The following ADCY1 variants were observed in gnomAD, a reference collection of about 807,000 sequenced individuals.
ADCY1 encodes the protein adenylate cyclase 1.
ADCY1 carries 28 observed loss-of-function variants against 105.4 expected under a neutral mutation model. The ratio of observed to expected loss-of-function variants is 0.27; its 90% CI spans 0.20 to 0.36. The LOEUF is 0.36. Among genes scored for constraint, ADCY1 ranks in the 10% least tolerant of loss-of-function variants. ADCY1 has a pLI of 1.00. For synonymous variants in ADCY1, 655 were observed against 623.8 expected, an observed-to-expected ratio of 1.05 and a Z score of -0.75; for missense variants, 977 against 1,434.2, an observed-to-expected ratio of 0.68 and a Z score of 5.15.
chr7:45,711,816 A>G (rs1055067417), intron 19 of ADCY1, among the ~76,000 whole-genome samples: 1 of 75,250 alleles, frequency 1.3e-5, no homozygotes, highest in Non-Finnish European at 2.7e-5. Context: ...CTTTTTTACA[A>G]TGTACTTTTA....
rs1792267753 is a variant in ADCY1, at chr7:45,574,615, G to T, written c.72G>T (p.Ala24=). 1.7e-6 allele frequency: 2 copies of T among 1,163,372 alleles called. No individual in the cohort carries two copies. Among genetic ancestry groups the T allele is most frequent in the South Asian group, 4.2e-5 (1 of 24,012 alleles). 72.1% of individuals were successfully genotyped at this position (1,163,372 alleles called of 1,614,324 possible). A position where few individuals can be genotyped will look rare whatever the true frequency, so the allele number is the denominator to read the frequency against. Residue 24 remains alanine (A), a synonymous_variant, in exon 1 of 20, where the codon GCG becomes GCT. Coordinates refer to ENST00000297323, the MANE Select transcript of ADCY1 (RefSeq NM_021116.4). The surrounding 1 kb of genome is among the most constrained non-coding windows in gnomAD (Gnocchi z 7.0). The part of the protein sequence containing the change: ...GAGEPGGAER[A]AGTSRRRGLR... ...GCGAGCCCGGGGGCGCCGAGCGGGCGGCCGGGACAAGCCGCCGGCGCGGGC... is the reference window on the plus strand; with the variant it reads ...GCGAGCCCGGGGGCGCCGAGCGGGCTGCCGGGACAAGCCGCCGGCGCGGGC...
chr7:45,652,691 G>A (rs1794842732), intron 5 of ADCY1, among the ~76,000 whole-genome samples: 1 of 152,206 alleles, frequency 6.6e-6, no homozygotes, highest in Admixed American at 6.5e-5. Flanking sequence ...TTTGTCAAAT[G>A]CCTGTGGGCC....
intron 1 of ADCY1, among the ~76,000 whole-genome samples, chr7:45,583,243 A>G (rs1256340661): frequency 6.6e-6 from 1 of 152,210 alleles, no homozygotes; most frequent in Admixed American, 6.5e-5. Flanking sequence ...TTACATGTGC[A>G]TGTGTTTCCA....
intron 8 of ADCY1, among the ~76,000 whole-genome samples, chr7:45,675,014 T>C (rs1024092819): frequency 5.9e-5 from 9 of 152,168 alleles, no homozygotes; most frequent in African/African-American, 9.7e-5. Context: ...TTTTAATTGG[T>C]ATATTTAGAA....
At chr7:45,581,407 C>T (rs868147460) in intron 1 of ADCY1, among the ~76,000 whole-genome samples, 3 of 152,144 alleles carry the variant, frequency 2.0e-5, no homozygotes, top group African/African-American at 7.2e-5. Context: ...GGAGAGACTC[C>T]CAGAATGCAG....
At position 45,685,688 on chromosome 7, in the gene ADCY1, G is replaced by A. The variant is rs926007367; in HGVS notation, c.2074-274G>A. Among the ~76,000 whole-genome samples the A allele has an allele frequency of 6.6e-5, 10 of 152,172 alleles. No individual in the cohort carries two copies. The East Asian group carries it at 1.7e-3, about 26-fold the overall frequency. On this transcript the variant is annotated intron_variant, in intron 12 of 19. Coordinates refer to ENST00000297323, the MANE Select transcript of ADCY1 (RefSeq NM_021116.4). ...GCAGGAGTAACAGGTTGGAGCTGGG[G>A]GCAGGAGTAACAGGTTGGAGCCGCT...
intron 4 of ADCY1, among the ~76,000 whole-genome samples, chr7:45,623,245 G>T (rs573233690): frequency 1.3e-5 from 2 of 152,354 alleles, no homozygotes; most frequent in African/African-American, 4.8e-5. Context: ...AGCAGACTGC[G>T]TGCTGGGGTT....
intron 1 of ADCY1, among the ~76,000 whole-genome samples, chr7:45,585,467 A>G (rs1792693452): frequency 7.9e-6 from 1 of 126,188 alleles, no homozygotes; most frequent in African/African-American, 3.1e-5. Context: ...TTTTGAGATG[A>G]AGTTTCGCTC....
chr7:45,633,359 C>T (rs1124990), intron 4 of ADCY1, among the ~76,000 whole-genome samples: 61,394 of 152,036 alleles, frequency 0.4, 12,827 homozygotes, highest in East Asian at 0.71. Flanking sequence ...TTGGAAAATA[C>T]TTTGGAGATT....
At chr7:45,695,908 T>G (rs947265947) in intron 14 of ADCY1, among the ~76,000 whole-genome samples, 2 of 152,258 alleles carry the variant, frequency 1.3e-5, no homozygotes, top group Non-Finnish European at 2.9e-5. Context: ...GTACTGCTAA[T>G]GCAGGCACCT....
At position 45,678,389 on chromosome 7, in the gene ADCY1, A is replaced by C. The variant is rs1324750361; in HGVS notation, c.1898+126A>C. The stretch of plus-strand genomic sequence containing the variant: ...TGCTCAAGCTTCGTCTCCCACAGTT[A>C]TTGTCCCAATGTGCCCAACATGGCT... On this transcript the variant is annotated intron_variant, in intron 10 of 19. Transcript: ENST00000297323. 5.7e-6 allele frequency: 5 copies of C among 883,140 alleles called. No individual in the cohort carries two copies. The Admixed American group carries it at 9.7e-5, about 17-fold the overall frequency. The allele number at this position is 883,140 out of a possible 1,614,324, so 54.7% of individuals were successfully genotyped here. A position where few individuals can be genotyped will look rare whatever the true frequency, so the allele number is the denominator to read the frequency against.
At chr7:45,633,798 C>T (rs1003671159) in intron 4 of ADCY1, among the ~76,000 whole-genome samples, 2 of 116,372 alleles carry the variant, frequency 1.7e-5, no homozygotes, top group Admixed American at 9.6e-5. Context: ...GAGACATCAT[C>T]GCAAAAAAAA....
chr7:45,574,879 G>A lies in ADCY1; in HGVS notation c.336G>A (p.Arg112=), dbSNP rs1156467781. The A allele has an allele frequency of 6.2e-7, 1 of 1,611,790 alleles. No homozygotes were observed. Among genetic ancestry groups the A allele is most frequent in the African/African-American group, 1.3e-5 (1 of 74,898 alleles). ...CGCTGCTCGTGGTAACCAACGTCCG[G>A]TCCCTGCAGGTGCCCCAGCTGCAGC... ...FLALLVVTNV[R]SLQVPQLQQV... The change falls in exon 1 of 20, where the codon CGG becomes CGA. Residue 112 remains arginine (R), a synonymous_variant. Transcript: ENST00000297323. The surrounding 1 kb of genome is among the most constrained non-coding windows in gnomAD (Gnocchi z 7.0).
At chr7:45,581,044 A>T (rs937233823) in intron 1 of ADCY1, among the ~76,000 whole-genome samples, 2 of 152,104 alleles carry the variant, frequency 1.3e-5, no homozygotes, top group African/African-American at 4.8e-5. Context: ...ACTCAGACGG[A>T]AGCTGGTGGG....
At chr7:45,615,899 A>G (rs182112640) in intron 3 of ADCY1, among the ~76,000 whole-genome samples, 1 of 152,288 alleles carries the variant, frequency 6.6e-6, no homozygotes, top group Non-Finnish European at 1.5e-5. Flanking sequence ...TAAAAAATCT[A>G]CAAAACCAAG....
intron 19 of ADCY1, among the ~76,000 whole-genome samples, chr7:45,711,126 C>G (rs1365674932): frequency 6.6e-6 from 1 of 152,228 alleles, no homozygotes; most frequent in Admixed American, 6.5e-5. Flanking sequence ...GTTTAGAAGG[C>G]AGCAGCCTCT....
chr7:45,621,569 C>T (rs143637670), intron 3 of ADCY1, among the ~76,000 whole-genome samples: 24 of 152,316 alleles, frequency 1.6e-4, no homozygotes, highest in African/African-American at 5.5e-4. Flanking sequence ...TTTTACATGG[C>T]GGACATGCGG....
At chr7:45,696,461 G>T (rs1334501908) in intron 14 of ADCY1, among the ~76,000 whole-genome samples, 1 of 140,096 alleles carries the variant, frequency 7.1e-6, no homozygotes, top group African/African-American at 2.7e-5. Context: ...AAAAAAAAAA[G>T]GAAAAGAAAA....
chr7:45,673,131 G>T (rs1211124024), intron 8 of ADCY1, among the ~76,000 whole-genome samples: 1 of 152,002 alleles, frequency 6.6e-6, no homozygotes, highest in Non-Finnish European at 1.5e-5. Flanking sequence ...TTCATCCCTA[G>T]AATTGTTTAT....
Sources: gnomAD v4.1 joint callset for allele counts (sites outside exome capture counted in the v4.1 genomes callset) on GRCh38, gnomAD v4.1.1 for gene constraint, Gnocchi (gnomAD v3.1) non-coding constraint, MANE v1.5 for transcripts, NCBI Gene and HGNC (gene_info 2026-07-23, HGNC 2026-07-21) for gene names.